The following CLN3 variants were observed in gnomAD, a reference collection of about 807,000 sequenced individuals.
The protein encoded by CLN3 is CLN3 lysosomal/endosomal transmembrane protein, battenin, also known as battenin.
CLN3 carries 49 observed loss-of-function variants against 60.7 expected under a neutral mutation model. The ratio of observed to expected loss-of-function variants is 0.81; its 90% CI spans 0.64 to 1.02. The LOEUF is 1.02. Among genes scored for constraint, CLN3 ranks in the 50% least tolerant of loss-of-function variants. The pLI is 0.00. For synonymous variants in CLN3, 256 were observed against 245.8 expected (o/e 1.04, Z -0.39); for missense variants, 516 against 557.4 (o/e 0.93, Z 0.75).
At chr16:28,487,154 G>C (rs1465090553) in intron 7 of CLN3, 2 of 472,222 alleles carry the variant, frequency 4.2e-6, no homozygotes, top group Non-Finnish European at 7.8e-6. Flanking sequence ...CAGGTGATCT[G>C]CCTGCCTTGG....
rs2046265711 is a variant in CLN3 at position 28,488,802 on chromosome 16, T to C, written c.223-140A>G. The C allele has an allele frequency of 3.8e-6, 3 of 784,910 alleles. No individual in the cohort carries two copies. The South Asian group carries it at 4.3e-5, about 11-fold the overall frequency. The allele number at this position is 784,910 out of a possible 1,614,324, so 48.6% of individuals were successfully genotyped here. Reference sequence around the variant, plus strand: ...TGACTTCTCAGGACCTCAGCGTCTCTGCATGCACAATGAAGAGGGGGTTTC... The same window carrying C: ...TGACTTCTCAGGACCTCAGCGTCTCCGCATGCACAATGAAGAGGGGGTTTC... On this transcript the variant is annotated intron_variant, in intron 4 of 15. Transcript: ENST00000636147.
rs1231056238 is a variant in CLN3, at chr16:28,487,716, G to A, written c.320C>T (p.Pro107Leu). 3 of 1,613,830 alleles carry A rather than the reference G, an allele frequency of 1.9e-6. No individual in the cohort carries two copies. The highest frequency in any genetic ancestry group is 3.3e-5 in the Admixed American group (2 of 59,992). ...AGCCAACAATTTGATGACGAGTGTGGGGAGGATGTCCGCCAGGAGCACAGC... is the reference window on the plus strand; with the variant it reads ...AGCCAACAATTTGATGACGAGTGTGAGGAGGATGTCCGCCAGGAGCACAGC... ...TAAVLLADILPTLVIKLLAPL... is the reference protein window; with the variant it reads ...TAAVLLADILLTLVIKLLAPL... The change falls in exon 6 of 16, where the codon CCC becomes CTC. Residue 107 changes from proline (P) to leucine (L), a missense_variant. By Grantham distance (98) the Pro-to-Leu change is moderately conservative (BLOSUM62 -3). Coordinates refer to ENST00000636147, the MANE Select transcript of CLN3 (RefSeq NM_001042432.2).
At chr16:28,488,787 G>A in intron 4 of CLN3, 125 bp from the exon 5 acceptor site, 3 of 863,728 alleles carry the variant, frequency 3.5e-6, no homozygotes, top group Non-Finnish European at 6.0e-6. Context: ...TGACTTCTCA[G>A]GACCTCAGCG....
chr16:28,468,501 T>C, the CLN3 span, among the ~76,000 whole-genome samples: 2 of 148,884 alleles, frequency 1.3e-5, no homozygotes, highest in African/African-American at 2.5e-5. Context: ...AGTATCAAAT[T>C]TTAGTGCTTA....
intron 9 of CLN3, chr16:28,484,913 T>C (rs1011456050): frequency 1.3e-5 from 2 of 151,962 alleles, no homozygotes; most frequent in African/African-American, 2.4e-5. Context: ...ACTAATCTTG[T>C]GAAGGGCCAG....
chr16:28,486,409 G>A lies in CLN3; in HGVS notation c.615C>T (p.Ala205=), dbSNP rs145631076. 60 of 1,613,272 alleles carry A rather than the reference G, an allele frequency of 3.7e-5. 1 individual carries two copies. The highest frequency in any genetic ancestry group is 2.0e-4 in the East Asian group (9 of 44,900). ...GALSYLGLTQ[A]GLSPQQTLLS... ...GCAGGGTCTGCTGAGGGGAGAGGCC[G>A]GCCTGGGTGAGGCCCAGGTAGGACA... The change falls in exon 9 of 16, where the codon GCC becomes GCT. Residue 205 remains alanine, a synonymous_variant. Coordinates refer to ENST00000636147, the MANE Select transcript of CLN3 (RefSeq NM_001042432.2).
intron 9 of CLN3, among the ~76,000 whole-genome samples, chr16:28,486,030 C>G (rs1469082104): frequency 6.6e-6 from 1 of 150,564 alleles, no homozygotes; most frequent in African/African-American, 2.4e-5. Context: ...CAGAGTCTAA[C>G]TCTGTCGCCC....
At chr16:28,482,063 G>A (rs751855519) in intron 14 of CLN3, 42 bp downstream of exon 14, 5 of 1,506,112 alleles carry the variant, frequency 3.3e-6, no homozygotes, top group East Asian at 2.3e-5. Context: ...AGCCAAGCTG[G>A]GAGCCAAGGT....
In CLN3 at chr16:28,487,868, G is replaced by A. The variant is rs28452476; in HGVS notation, c.295-127C>T. The A allele has an allele frequency of 3.3e-3, 2,450 of 747,052 alleles. 39 individuals carry two copies. The African/African-American group carries it at 0.037, about 11-fold the overall frequency. 46.3% of individuals were successfully genotyped at this position (747,052 alleles called of 1,614,324 possible). Reference sequence around the variant, plus strand: ...AAACACAGGCTCTGGAGTCAGGCACGCCTGGGTTCAAGTCTCAGCTCTCCC... The same window carrying A: ...AAACACAGGCTCTGGAGTCAGGCACACCTGGGTTCAAGTCTCAGCTCTCCC... On this transcript the variant is annotated intron_variant, in intron 5 of 15. Transcript: ENST00000636147.
At chr16:28,486,906 CTT>C (rs1275090420) in intron 7 of CLN3, 1 of 560,418 alleles carries the variant, frequency 1.8e-6, no homozygotes, top group East Asian at 3.1e-5. Context: ...CTTCATCAGT[CTT>C]TTTCTTTTCT....
intron 14 of CLN3, among the ~76,000 whole-genome samples, chr16:28,480,983 A>G (rs1176196844): frequency 3.9e-4 from 59 of 152,230 alleles, no homozygotes; most frequent in Admixed American, 3.9e-3. Flanking sequence ...TCTAGAATAA[A>G]AGAACTGTAC....
chr16:28,491,910 G>A, intron 1 of CLN3, 75 bp from the exon 2 acceptor site: 2 of 1,014,240 alleles, frequency 2.0e-6, no homozygotes, highest in Non-Finnish European at 3.0e-6. Flanking sequence ...CGCGCCCCGC[G>A]ATCCATCAAG....
At chr16:28,489,056 CACACCCA>C (rs2046269537) in intron 4 of CLN3, among the ~76,000 whole-genome samples, 1 of 152,106 alleles carries the variant, frequency 6.6e-6, no homozygotes, top group Non-Finnish European at 1.5e-5. Context: ...TGTGTGCCAC[CACACCCA>C]GGTAGTTTTT....
intron 14 of CLN3, chr16:28,479,842 G>A: frequency 6.0e-6 from 1 of 165,702 alleles, no homozygotes; most frequent in Non-Finnish European, 1.4e-5. Flanking sequence ...ATGTTTCAGT[G>A]GTATCTACAA....
intron 14 of CLN3, among the ~76,000 whole-genome samples, chr16:28,481,392 G>C (rs978753260): frequency 1.8e-4 from 27 of 147,666 alleles, no homozygotes; most frequent in Non-Finnish European, 3.6e-4. Context: ...TGAGCCACCT[G>C]GCCCGGCCCA....
chr16:28,481,912 G>A (rs1236734306), intron 14 of CLN3, among the ~76,000 whole-genome samples, 193 bp downstream of exon 14: 5 of 151,760 alleles, frequency 3.3e-5, no homozygotes, highest in Admixed American at 2.6e-4. Context: ...ACTTGAACCC[G>A]GGAGGCAGAG....
chr16:28,491,679 G>A (rs2046317896), intron 2 of CLN3, 35 bp downstream of exon 2: 1 of 1,614,020 alleles, frequency 6.2e-7, no homozygotes, highest in African/African-American at 1.3e-5. Context: ...CGAGCCAGAG[G>A]TGGTCGTTCC....
chr16:28,489,169 T>G, intron 4 of CLN3, 121 bp downstream of exon 4: 1 of 784,918 alleles, frequency 1.3e-6, no homozygotes, highest in Non-Finnish European at 2.2e-6. Flanking sequence ...CCCAAACTGC[T>G]GGGATTACAG....
intron 7 of CLN3, chr16:28,487,072 A>T (rs2046232554): frequency 2.8e-6 from 1 of 359,604 alleles, no homozygotes; most frequent in African/African-American, 2.1e-5. Context: ...CACCACACCC[A>T]GCTAATTTTT....
Sources: allele counts gnomAD v4.1 joint callset (sites outside exome capture counted in the v4.1 genomes callset), GRCh38; gene constraint gnomAD v4.1.1; transcripts MANE v1.5; gene names NCBI Gene and HGNC (gene_info 2026-07-23, HGNC 2026-07-21).